TMEM135: variants seen among roughly 807,000 people sequenced by gnomAD.
TMEM135 encodes transmembrane protein 135.
A neutral mutation model predicts 60.3 loss-of-function variants in TMEM135; 30 were observed. The observed-to-expected ratio is 0.50, with a 90% CI of 0.37 to 0.68. TMEM135 has a LOEUF of 0.68. Among genes scored for constraint, TMEM135 ranks in the 30% least tolerant of loss-of-function variants. The pLI is 0.00. For missense variants in TMEM135, 468 were observed against 548.8 expected, an observed-to-expected ratio of 0.85 and a Z score of 1.47; for synonymous variants, 190 against 186.7, an observed-to-expected ratio of 1.02 and a Z score of -0.14.
intron 6 of TMEM135, among the ~76,000 whole-genome samples, chr11:87,289,800 G>C (rs1456226926): frequency 6.6e-6 from 1 of 152,016 alleles, no homozygotes; most frequent in Non-Finnish European, 1.5e-5. Context: ...CCAGCCTTGA[G>C]TATTTTCTGT....
rs1204984151 is a variant in TMEM135, at chr11:87,327,705, G to A, written c.*6372G>A. The A allele has an allele frequency of 6.6e-6, 3 of 453,900 alleles. No homozygotes were observed. Among genetic ancestry groups the A allele is most frequent in the Non-Finnish European group, 1.3e-5 (3 of 226,784 alleles). The allele number at this position is 453,900 out of a possible 1,614,324, so 28.1% of individuals were successfully genotyped here. On this transcript the variant is annotated 3_prime_UTR_variant, in exon 15 of 15. Transcript: ENST00000305494. ...TACAAGTCCAAAAGCCTTGGAACCA[G>A]GGAAACTGATGGTGTAATTCTCAGT...
chr11:87,183,955 CAAAAAAAA>C (rs71040297), intron 5 of TMEM135, among the ~76,000 whole-genome samples: 2 of 80,150 alleles, frequency 2.5e-5, no homozygotes, highest in African/African-American at 1.1e-4. Context: ...GACTTCGTCG[CAAAAAAAA>C]AAAAAAAAAA....
chr11:87,104,609 T>A (rs1857547105), intron 4 of TMEM135, among the ~76,000 whole-genome samples: 1 of 152,216 alleles, frequency 6.6e-6, no homozygotes, highest in Non-Finnish European at 1.5e-5. Context: ...TGTTTTATAG[T>A]GTTTTTAGTA....
chr11:87,131,683 A>C (rs553321784), intron 4 of TMEM135, among the ~76,000 whole-genome samples: 33 of 152,296 alleles, frequency 2.2e-4, no homozygotes, highest in African/African-American at 7.5e-4. Flanking sequence ...TCCCTGGGAA[A>C]GTGACTTTTC....
At chr11:87,313,742 G>A (rs907328393) in intron 11 of TMEM135, among the ~76,000 whole-genome samples, 2 of 151,644 alleles carry the variant, frequency 1.3e-5, no homozygotes, top group African/African-American at 2.4e-5. Context: ...TAGCGAATGT[G>A]TCACAAAAGA....
intron 1 of TMEM135, among the ~76,000 whole-genome samples, chr11:87,054,725 C>T (rs1021236558): frequency 6.6e-6 from 1 of 152,024 alleles, no homozygotes; most frequent in African/African-American, 2.4e-5. Flanking sequence ...GCACCTATTG[C>T]CAGTGATGAA....
chr11:87,295,745 T>G (rs964673301), intron 6 of TMEM135, 37 bp from the exon 7 acceptor site: 2 of 1,552,172 alleles, frequency 1.3e-6, no homozygotes, highest in Non-Finnish European at 8.8e-7. Flanking sequence ...TATCTCAAAA[T>G]ATGTTATTTT....
Position 87,067,753 on chromosome 11 carries a change from G to A in TMEM135, c.201G>A (p.Glu67=). The change falls in exon 2 of 15, where the codon GAG becomes GAA. Residue 67 remains glutamate (E), a synonymous_variant. Coordinates refer to ENST00000305494, the MANE Select transcript of TMEM135 (RefSeq NM_022918.4). ...ATTATTTACACAAACTACTCCCTGAGATCCTACAATCCGCTTCATTTCTAA... is the reference window on the plus strand; with the variant it reads ...ATTATTTACACAAACTACTCCCTGAAATCCTACAATCCGCTTCATTTCTAA... The part of the protein sequence containing the change: ...LDYYLHKLLP[E]ILQSASFLTA... 6.2e-7 allele frequency: 1 copy of A among 1,613,932 alleles called. No individual in the cohort carries two copies. The highest frequency in any genetic ancestry group is 8.5e-7 in the Non-Finnish European group (1 of 1,179,938).
rs562568163 is a variant in TMEM135, at chr11:87,257,191, A to T, written c.509+20507A>T. ...TCTTGTTTAAGGAGCATTATTACTA[A>T]TCACAGAAAGTTCTTAGATGAGACT... On this transcript the variant is annotated intron_variant, in intron 6 of 14. Coordinates refer to ENST00000305494, the MANE Select transcript of TMEM135 (RefSeq NM_022918.4). Among the ~76,000 whole-genome samples, 5 of 152,276 alleles carry T rather than the reference A, an allele frequency of 3.3e-5. No individual in the cohort carries two copies. In the East Asian group the frequency reaches 9.7e-4, roughly 29 times the overall value.
intron 4 of TMEM135, among the ~76,000 whole-genome samples, chr11:87,107,874 A>T (rs1857639030): frequency 6.6e-6 from 1 of 152,180 alleles, no homozygotes; most frequent in South Asian, 2.1e-4. Flanking sequence ...TTACAGTCCC[A>T]CCAACAGTGT....
At chr11:87,136,004 A>G (rs1228578482) in intron 4 of TMEM135, among the ~76,000 whole-genome samples, 3 of 151,900 alleles carry the variant, frequency 2.0e-5, no homozygotes. Flanking sequence ...GCTATTGTCA[A>G]TAGTGTTGTT....
chr11:87,053,429 A>G (rs868497388), intron 1 of TMEM135, among the ~76,000 whole-genome samples: 3 of 152,168 alleles, frequency 2.0e-5, no homozygotes, highest in African/African-American at 4.8e-5. Flanking sequence ...AGACCTTGAC[A>G]ATAGATTGAT....
chr11:87,271,003 C>G (rs1941852201), intron 6 of TMEM135, among the ~76,000 whole-genome samples: 1 of 151,586 alleles, frequency 6.6e-6, no homozygotes, highest in African/African-American at 2.4e-5. Flanking sequence ...ATAATAAATA[C>G]CTGAAGGAAC....
intron 1 of TMEM135, among the ~76,000 whole-genome samples, chr11:87,046,125 G>A (rs1949793418): frequency 6.6e-6 from 1 of 152,204 alleles, no homozygotes; most frequent in African/African-American, 2.4e-5. Flanking sequence ...TGTAACTCAG[G>A]CCGGGCATGG....
At chr11:87,266,238 C>G (rs1180253785) in intron 6 of TMEM135, among the ~76,000 whole-genome samples, 1 of 152,086 alleles carries the variant, frequency 6.6e-6, no homozygotes, top group African/African-American at 2.4e-5. Flanking sequence ...TTCTCCACCC[C>G]TAAGTCCCTC....
At chr11:87,271,079 G>C (rs973365952) in intron 6 of TMEM135, among the ~76,000 whole-genome samples, 18 of 151,982 alleles carry the variant, frequency 1.2e-4, no homozygotes, top group African/African-American at 4.1e-4. Flanking sequence ...TTTTCATGAA[G>C]CTTGCTATAT....
At chr11:87,218,706 A>T (rs1226435041) in intron 5 of TMEM135, among the ~76,000 whole-genome samples, 1 of 152,180 alleles carries the variant, frequency 6.6e-6, no homozygotes, top group Non-Finnish European at 1.5e-5. Flanking sequence ...TCATGCCTGT[A>T]ATCCCAGCAC....
intron 6 of TMEM135, among the ~76,000 whole-genome samples, chr11:87,277,755 T>C (rs1941994477): frequency 6.6e-6 from 1 of 151,908 alleles, no homozygotes; most frequent in Admixed American, 6.6e-5. Flanking sequence ...CTCCTAACCT[T>C]AGGTGATCTG....
At chr11:87,152,707 G>T (rs1411477390) in intron 4 of TMEM135, among the ~76,000 whole-genome samples, 2 of 152,214 alleles carry the variant, frequency 1.3e-5, no homozygotes, top group Non-Finnish European at 2.9e-5. Context: ...CCAAGGTGCT[G>T]GGATTACAGG....
Sources: allele counts gnomAD v4.1 joint callset (sites outside exome capture counted in the v4.1 genomes callset), GRCh38; gene constraint gnomAD v4.1.1; transcripts MANE v1.5; gene names NCBI Gene and HGNC (gene_info 2026-07-23, HGNC 2026-07-21).